Variants in VANGL1 observed in about 807,000 individuals in gnomAD.
The protein encoded by VANGL1 is vang-like protein 1.
A neutral mutation model predicts 48.4 loss-of-function variants in VANGL1; 18 were observed. The observed-to-expected ratio is 0.37, with a 90% CI of 0.26 to 0.55. The LOEUF (loss-of-function observed/expected upper bound fraction) is 0.55. Among genes scored for constraint, VANGL1 ranks in the 20% least tolerant of loss-of-function variants. VANGL1 has a pLI of 0.81. For synonymous variants in VANGL1, 257 were observed against 261.8 expected (o/e 0.98, Z 0.18); for missense variants, 667 against 675.8 (o/e 0.99, Z 0.14).
intron 4 of VANGL1, among the ~76,000 whole-genome samples, chr1:115,677,703 T>C (rs1485750504): frequency 6.6e-6 from 1 of 152,222 alleles, no homozygotes; most frequent in Non-Finnish European, 1.5e-5. Context: ...CAGAGTCCTC[T>C]ATCTTGGGAA....
At chr1:115,669,397 G>A (rs969863504) in intron 4 of VANGL1, among the ~76,000 whole-genome samples, 30 of 152,172 alleles carry the variant, frequency 2.0e-4, no homozygotes, top group African/African-American at 6.8e-4. Context: ...CTGAGAGAGA[G>A]TAGCTTATAA....
At chr1:115,686,358 C>T (rs539263143) in intron 7 of VANGL1, among the ~76,000 whole-genome samples, 17 of 112,892 alleles carry the variant, frequency 1.5e-4, no homozygotes, top group East Asian at 1.2e-3. Context: ...GGCGACAGAG[C>T]GAGACTCCGT....
At position 115,684,120 on chromosome 1, in the gene VANGL1, A is replaced by C. The variant is rs112239478; in HGVS notation, c.1079+44A>C. 3.6e-3 allele frequency: 5,433 copies of C among 1,517,008 alleles called. 113 individuals are homozygous for C. In the African/African-American group the frequency reaches 0.047, roughly 13 times the overall value. 94.0% of individuals were successfully genotyped at this position (1,517,008 alleles called of 1,614,324 possible). A position where few individuals can be genotyped will look rare whatever the true frequency, so the allele number is the denominator to read the frequency against. On this transcript the variant is annotated intron_variant, in intron 6 of 7. Transcript: ENST00000355485. ...GCCAGTACCCTCTTACAGACTTTTA[A>C]ATTTTTATTTTATTTATTTATTTAT...
rs1654081255 is a variant in VANGL1, at chr1:115,697,711, C to T, written c.*6332C>T. 1.3e-5 allele frequency: 2 copies of T among 152,218 alleles called. No individual in the cohort carries two copies. Among genetic ancestry groups the T allele is most frequent in the Admixed American group, 1.3e-4 (2 of 15,286 alleles). The allele number at this position is 152,218 out of a possible 1,614,324, so 9.4% of individuals were successfully genotyped here. On this transcript the variant is annotated 3_prime_UTR_variant, in exon 8 of 8. Coordinates refer to ENST00000355485, the MANE Select transcript of VANGL1 (RefSeq NM_138959.3). The stretch of plus-strand genomic sequence containing the variant: ...TTACATTTCCTGATTTCAAGTCCAG[C>T]ACCAATTTAGAAAGTTCAGAGATGA...
intron 4 of VANGL1, among the ~76,000 whole-genome samples, chr1:115,673,227 TTC>T (rs1474019097): frequency 5.3e-5 from 8 of 152,136 alleles, no homozygotes; most frequent in African/African-American, 1.9e-4. Flanking sequence ...CTTCCTCCCG[TTC>T]TCTCACGTTT....
At chr1:115,675,977 A>G (rs1484198107) in intron 4 of VANGL1, among the ~76,000 whole-genome samples, 2 of 152,128 alleles carry the variant, frequency 1.3e-5, no homozygotes, top group African/African-American at 4.8e-5. Flanking sequence ...AGCTGTGTGT[A>G]TATTCTAGCC....
chr1:115,683,864 A>G (rs545135462), intron 5 of VANGL1, 80 bp from the exon 6 acceptor site: 4 of 1,570,372 alleles, frequency 2.5e-6, no homozygotes, highest in African/African-American at 1.4e-5. Context: ...GACAACACTG[A>G]CAGATTGGGT....
In VANGL1 at chr1:115,696,337, A is replaced by T. The variant is rs1380465153; in HGVS notation, c.*4958A>T. ...CGGAGTCCCTGGCCTGGCCTCCTTG[A>T]CGTAGGTGTTCTCAGCAAGCAGTTT... On this transcript the variant is annotated 3_prime_UTR_variant, in exon 8 of 8. Coordinates refer to ENST00000355485, the MANE Select transcript of VANGL1 (RefSeq NM_138959.3). 6.6e-6 allele frequency: 1 copy of T among 152,214 alleles called. No homozygotes were observed. Among genetic ancestry groups the T allele is most frequent in the Non-Finnish European group, 1.5e-5 (1 of 68,076 alleles). 9.4% of individuals were successfully genotyped at this position (152,214 alleles called of 1,614,324 possible).
At chr1:115,682,782 G>A (rs1336118544) in intron 5 of VANGL1, among the ~76,000 whole-genome samples, 1 of 152,188 alleles carries the variant, frequency 6.6e-6, no homozygotes, top group Non-Finnish European at 1.5e-5. Context: ...ATTGGAAGCT[G>A]TTAGGAAAGG....
Position 115,664,229 on chromosome 1 carries a change from C to T in VANGL1, c.773C>T (p.Thr258Ile). The T allele has an allele frequency of 6.2e-7, 1 of 1,613,996 alleles. No homozygotes were observed. Among genetic ancestry groups the T allele is most frequent in the Non-Finnish European group, 8.5e-7 (1 of 1,179,918 alleles). The change falls in exon 4 of 8, where the codon ACC becomes ATC. Residue 258 changes from threonine to isoleucine, a missense_variant. By Grantham distance (89) the Thr-to-Ile change is moderately conservative (BLOSUM62 -1). Transcript: ENST00000355485. ...PMFTLQVVRS[T>I]DGESRFYSLG... The stretch of plus-strand genomic sequence containing the variant: ...TTCACGCTGCAGGTGGTCCGCTCCA[C>T]CGATGGCGAGTCCCGCTTCTACAGC...
intron 7 of VANGL1, among the ~76,000 whole-genome samples, chr1:115,689,196 ATTTTCT>A (rs1653745756): frequency 7.3e-6 from 1 of 137,198 alleles, no homozygotes; most frequent in East Asian, 2.0e-4. Flanking sequence ...TCTAATTGTT[ATTTTCT>A]TTTTCTTATG....
Position 115,663,684 on chromosome 1 carries a change from C to T in VANGL1, c.228C>T (p.Thr76=). ...AGGATGACAACTGGGGAGAGACCAC[C>T]ACGGCCATCACAGGCACCTCGGAGC... ...EVQDDNWGET[T]TAITGTSEHS... is the part of the protein sequence containing the mutation. The change falls in exon 4 of 8, where the codon ACC becomes ACT. Residue 76 remains threonine, a synonymous_variant. Coordinates refer to ENST00000355485, the MANE Select transcript of VANGL1 (RefSeq NM_138959.3). 1 of 1,614,148 alleles carries T rather than the reference C, an allele frequency of 6.2e-7. No individual in the cohort carries two copies. The highest frequency in any genetic ancestry group is 8.5e-7 in the Non-Finnish European group (1 of 1,180,034).
Position 115,651,359 on chromosome 1 carries a change from A to C in VANGL1, c.-55A>C. Reference sequence around the variant, plus strand: ...AGGAGTCTGGTAGGTGAAATTTTCTACCTCTAAGGAGAAACAGTACCTGCT... The same window carrying C: ...AGGAGTCTGGTAGGTGAAATTTTCTCCCTCTAAGGAGAAACAGTACCTGCT... On this transcript the variant is annotated 5_prime_UTR_variant, in exon 2 of 8. Transcript: ENST00000355485. 6.5e-7 allele frequency: 1 copy of C among 1,549,582 alleles called. No homozygotes were observed. The highest frequency in any genetic ancestry group is 8.9e-7 in the Non-Finnish European group (1 of 1,125,362).
At chr1:115,690,647 G>T (rs1653794898) in intron 7 of VANGL1, among the ~76,000 whole-genome samples, 1 of 152,232 alleles carries the variant, frequency 6.6e-6, no homozygotes, top group Non-Finnish European at 1.5e-5. Flanking sequence ...CCAGTAAATG[G>T]TAGCGCATGC....
chr1:115,685,367 G>A lies in VANGL1; in HGVS notation c.1154G>A (p.Gly385Glu). The change falls in exon 7 of 8, where the codon GGG becomes GAG. Residue 385 changes from glycine to glutamate, a missense_variant. By Grantham distance (98) the Gly-to-Glu change is moderately conservative. Transcript: ENST00000355485. The stretch of plus-strand genomic sequence containing the variant: ...GCTGAGGAGCAGCAGAAAGCCCCAG[G>A]GGAGGTGATGGACCCTAGGGAGGCC... ...LQAEEQQKAP[G>E]EVMDPREAAQ... The A allele has an allele frequency of 6.2e-7, 1 of 1,614,148 alleles. No homozygotes were observed. Among genetic ancestry groups the A allele is most frequent in the Non-Finnish European group, 8.5e-7 (1 of 1,180,022 alleles).
chr1:115,677,409 A>G (rs1653210328), intron 4 of VANGL1, among the ~76,000 whole-genome samples: 2 of 152,232 alleles, frequency 1.3e-5, no homozygotes. Flanking sequence ...CCAGTAGGCA[A>G]TGTGGTCAGC....
intron 7 of VANGL1, among the ~76,000 whole-genome samples, chr1:115,686,801 A>T (rs1653654124): frequency 6.6e-6 from 1 of 152,208 alleles, no homozygotes; most frequent in Non-Finnish European, 1.5e-5. Flanking sequence ...TTCATATGAC[A>T]GGTACTGTTT....
At chr1:115,673,573 CTG>C (rs1431402826) in intron 4 of VANGL1, among the ~76,000 whole-genome samples, 6 of 148,952 alleles carry the variant, frequency 4.0e-5, no homozygotes, top group Non-Finnish European at 7.4e-5. Flanking sequence ...GACCTCCTCT[CTG>C]TGGGTCTCTG....
intron 2 of VANGL1, among the ~76,000 whole-genome samples, chr1:115,653,772 A>G (rs1004424960): frequency 6.6e-6 from 1 of 152,246 alleles, no homozygotes; most frequent in Non-Finnish European, 1.5e-5. Flanking sequence ...TATAGAAAGT[A>G]CTTGGCAAAT....
Sources: allele counts gnomAD v4.1 joint callset (sites outside exome capture counted in the v4.1 genomes callset), GRCh38; gene constraint gnomAD v4.1.1; transcripts MANE v1.5; gene names NCBI Gene and HGNC (gene_info 2026-07-23, HGNC 2026-07-21).